The following ARK2C variants were observed in gnomAD, a reference collection of about 807,000 sequenced individuals.
ARK2C encodes the protein arkadia (RNF111) C-terminal like ring finger ubiquitin ligase 2C.
At chr18:46,400,743 C>A in the ARK2C span, among the ~76,000 whole-genome samples, 1 of 152,160 alleles carries the variant, frequency 6.6e-6, no homozygotes, top group African/African-American at 2.4e-5. Flanking sequence ...TCTGAATAGC[C>A]TAAATTGTGT....
chr18:46,353,698 T>A, the ARK2C span, among the ~76,000 whole-genome samples: 5 of 152,148 alleles, frequency 3.3e-5, no homozygotes, highest in African/African-American at 1.2e-4. Context: ...GGACTCTGGC[T>A]CCTTCCCACA....
the ARK2C span, among the ~76,000 whole-genome samples, chr18:46,381,405 C>T: frequency 6.6e-6 from 1 of 152,340 alleles, no homozygotes; most frequent in African/African-American, 2.4e-5. Flanking sequence ...CAGTCAGAGC[C>T]CATGTCTGTC....
At chr18:46,369,235 A>G in the ARK2C span, among the ~76,000 whole-genome samples, 1 of 152,156 alleles carries the variant, frequency 6.6e-6, no homozygotes, top group Non-Finnish European at 1.5e-5. Context: ...GATACCCAGG[A>G]GCCAATTGAA....
At chr18:46,353,672 G>A in the ARK2C span, among the ~76,000 whole-genome samples, 2 of 152,208 alleles carry the variant, frequency 1.3e-5, no homozygotes, top group African/African-American at 4.8e-5. Flanking sequence ...GCATGCTGCT[G>A]GTAGGCAGGG....
chr18:46,456,449 T>C, the ARK2C span: 3 of 1,110,896 alleles, frequency 2.7e-6, no homozygotes. Flanking sequence ...GAGTCCTAGG[T>C]GTGTGTCCCT....
the ARK2C span, among the ~76,000 whole-genome samples, chr18:46,398,759 C>G: frequency 9.2e-5 from 14 of 151,966 alleles, no homozygotes; most frequent in Non-Finnish European, 2.1e-4. Context: ...GCCAGATATC[C>G]CAAATACTCG....
At chr18:46,450,945 C>G in the ARK2C span, 11 of 638,078 alleles carry the variant, frequency 1.7e-5, 1 homozygote, top group Non-Finnish European at 2.5e-5. Flanking sequence ...GCTGTAATAA[C>G]TTCCCAGGGT....
At chr18:46,360,103 G>A in the ARK2C span, among the ~76,000 whole-genome samples, 6 of 152,158 alleles carry the variant, frequency 3.9e-5, no homozygotes, top group Non-Finnish European at 5.9e-5. Flanking sequence ...ACCCTGAGAC[G>A]CATCACAAGT....
At chr18:46,362,987 A>G in the ARK2C span, among the ~76,000 whole-genome samples, 1 of 152,234 alleles carries the variant, frequency 6.6e-6, no homozygotes, top group East Asian at 1.9e-4. Context: ...TTCCACGCCC[A>G]CAGAAAAAGT....
At chr18:46,436,352 A>G in the ARK2C span, among the ~76,000 whole-genome samples, 2 of 152,130 alleles carry the variant, frequency 1.3e-5, no homozygotes, top group African/African-American at 2.4e-5. Flanking sequence ...GGAAATAGAA[A>G]TGCAGTAAAA....
At chr18:46,403,997 T>C in the ARK2C span, among the ~76,000 whole-genome samples, 2 of 152,228 alleles carry the variant, frequency 1.3e-5, no homozygotes, top group Non-Finnish European at 2.9e-5. Flanking sequence ...CCCTGTGTGA[T>C]TAACAATTCC....
the ARK2C span, among the ~76,000 whole-genome samples, chr18:46,400,433 C>T: frequency 2.0e-5 from 3 of 152,262 alleles, no homozygotes; most frequent in East Asian, 5.8e-4. Context: ...TGGGAGAGTG[C>T]CATTATGGCC....
At chr18:46,349,762 T>A in the ARK2C span, among the ~76,000 whole-genome samples, 2 of 152,266 alleles carry the variant, frequency 1.3e-5, no homozygotes, top group South Asian at 4.1e-4. Flanking sequence ...TTCTTGCCTA[T>A]CTAGTTGGGC....
the ARK2C span, chr18:46,334,564 T>A: frequency 2.0e-6 from 1 of 491,514 alleles, no homozygotes; most frequent in African/African-American, 2.1e-5. The surrounding 1 kb of genome is among the most constrained non-coding windows in gnomAD (Gnocchi z 4.4). Flanking sequence ...GGTCCCTTCC[T>A]CCCCAGCCCC....
chr18:46,436,729 C>A, the ARK2C span, among the ~76,000 whole-genome samples: 1 of 152,218 alleles, frequency 6.6e-6, no homozygotes, highest in African/African-American at 2.4e-5. Flanking sequence ...TTAAATTGAA[C>A]AATTCCATAA....
At chr18:46,336,430 A>C in the ARK2C span, 1 of 985,440 alleles carries the variant, frequency 1.0e-6, no homozygotes. Flanking sequence ...GTTAAAGTTT[A>C]CTTTCACGGC....
At chr18:46,336,116 C>G in the ARK2C span, 1 of 985,238 alleles carries the variant, frequency 1.0e-6, no homozygotes, top group Non-Finnish European at 1.2e-6. Context: ...AATGCCACCC[C>G]CTCTCTCAAT....
chr18:46,423,232 T>C, the ARK2C span, among the ~76,000 whole-genome samples: 3 of 152,180 alleles, frequency 2.0e-5, no homozygotes, highest in Non-Finnish European at 4.4e-5. Flanking sequence ...TTTGGCCTGC[T>C]CTACAGAGGC....
At chr18:46,375,178 C>G in the ARK2C span, among the ~76,000 whole-genome samples, 1 of 152,246 alleles carries the variant, frequency 6.6e-6, no homozygotes, top group African/African-American at 2.4e-5. Flanking sequence ...TCCTTCCAGG[C>G]CGCCCTGGCC....
Sources: gnomAD v4.1 joint callset for allele counts (sites outside exome capture counted in the v4.1 genomes callset) on GRCh38, gnomAD v4.1.1 for gene constraint, Gnocchi (gnomAD v3.1) non-coding constraint, MANE v1.5 for transcripts, NCBI Gene and HGNC (gene_info 2026-07-23, HGNC 2026-07-21) for gene names.